The following CHD9 variants were observed in gnomAD, a reference collection of about 807,000 sequenced individuals.
CHD9 encodes ATP-dependent chromatin remodeler CHD9.
CHD9 carries 77 observed loss-of-function variants against 316.1 expected under a neutral mutation model. That is an observed-to-expected ratio of 0.24 (90% CI 0.20 to 0.29). The LOEUF (loss-of-function observed/expected upper bound fraction) is 0.29, where lower values mean the gene tolerates loss of function less well. Ranked by LOEUF, CHD9 falls within the 10% of genes least tolerant of loss-of-function variation. The probability of loss-of-function intolerance (pLI) is 1.00; values close to 1 mark genes in which losing one functional copy is unlikely to be tolerated. For missense variants in CHD9, 2,763 were observed against 3,438.1 expected, an observed-to-expected ratio of 0.80 and a Z score of 4.91; for synonymous variants, 1,129 against 1,158.3, an observed-to-expected ratio of 0.97 and a Z score of 0.51.
intron 12 of CHD9, among the ~76,000 whole-genome samples, chr16:53,240,390 A>G (rs2048991414): frequency 6.6e-6 from 1 of 152,190 alleles, no homozygotes; most frequent in Admixed American, 6.5e-5. Flanking sequence ...CATAAATATG[A>G]TAGCCAAAAA....
intron 7 of CHD9, among the ~76,000 whole-genome samples, chr16:53,228,102 A>T (rs1035395080): frequency 7.9e-5 from 12 of 151,938 alleles, no homozygotes; most frequent in South Asian, 2.1e-4. Flanking sequence ...AAAAAATTAA[A>T]TTTTTTTTAT....
intron 1 of CHD9, among the ~76,000 whole-genome samples, chr16:53,084,015 T>C (rs1250751715): frequency 6.6e-6 from 1 of 152,038 alleles, no homozygotes; most frequent in Non-Finnish European, 1.5e-5. Context: ...CTCTTAAAGT[T>C]CTGGGATTAC....
intron 11 of CHD9, among the ~76,000 whole-genome samples, chr16:53,235,864 TA>T (rs1303191919): frequency 6.6e-6 from 1 of 152,054 alleles, no homozygotes; most frequent in South Asian, 2.1e-4. Context: ...GCAAAAGAAG[TA>T]AAAAAATGTT....
At chr16:53,299,576 C>T in intron 30 of CHD9, 1 of 397,572 alleles carries the variant, frequency 2.5e-6, no homozygotes, top group South Asian at 2.2e-5. Flanking sequence ...AGCTATTAAC[C>T]CTCCAAAAGC....
chr16:53,314,739 C>A, intron 35 of CHD9, 84 bp from the exon 36 acceptor site: 1 of 1,202,066 alleles, frequency 8.3e-7, no homozygotes, highest in Non-Finnish European at 1.2e-6. Flanking sequence ...CTTATTTTTT[C>A]TCTTCAAAAA....
chr16:53,261,793 C>G (rs1004733850), intron 19 of CHD9, among the ~76,000 whole-genome samples: 3 of 152,080 alleles, frequency 2.0e-5, no homozygotes, highest in African/African-American at 7.2e-5. Context: ...GAAGCAAATC[C>G]CAGATATAAT....
rs532979443 is a variant in CHD9, at chr16:53,197,126, A to T, written c.1453-12356A>T. Among the ~76,000 whole-genome samples the T allele has an allele frequency of 4.7e-4, 71 of 152,312 alleles. 2 individuals carry two copies. The South Asian group carries it at 0.013, about 28-fold the overall frequency. On this transcript the variant is annotated intron_variant, in intron 2 of 38. Coordinates refer to ENST00000447540, the MANE Select transcript of CHD9 (RefSeq NM_001308319.2). ...AGGGAGTAGAAGAGAGAAAAGGCTG[A>T]GATATACTGGCAGACTAGTAGAAAG...
intron 31 of CHD9, 120 bp from the exon 32 acceptor site, chr16:53,306,117 A>G: frequency 1.8e-6 from 1 of 543,752 alleles, no homozygotes; most frequent in Non-Finnish European, 2.9e-6. Flanking sequence ...TTTTTTTATC[A>G]TTTGTTTTTA....
At chr16:53,103,177 G>A (rs1322835076) in intron 1 of CHD9, among the ~76,000 whole-genome samples, 1 of 142,708 alleles carries the variant, frequency 7.0e-6, no homozygotes, top group East Asian at 2.1e-4. Flanking sequence ...AAAAAAAAAG[G>A]TAGATTTTAT....
At chr16:53,162,514 C>T (rs930034019) in intron 2 of CHD9, among the ~76,000 whole-genome samples, 1 of 152,064 alleles carries the variant, frequency 6.6e-6, no homozygotes, top group Non-Finnish European at 1.5e-5. Flanking sequence ...ACTGTGTGAT[C>T]TCTCAATGTT....
intron 38 of CHD9, 97 bp downstream of exon 38, chr16:53,321,727 A>T: frequency 1.4e-6 from 1 of 721,788 alleles, no homozygotes; most frequent in Non-Finnish European, 2.0e-6. Flanking sequence ...ATATTCCATG[A>T]ATTTGTGACA....
intron 1 of CHD9, among the ~76,000 whole-genome samples, chr16:53,101,999 G>A (rs1353755857): frequency 1.3e-5 from 2 of 152,202 alleles, no homozygotes; most frequent in Non-Finnish European, 2.9e-5. Context: ...GGTCAGGAAT[G>A]TGTAGAATTG....
chr16:53,196,196 A>T (rs547315056), intron 2 of CHD9, among the ~76,000 whole-genome samples: 1 of 152,166 alleles, frequency 6.6e-6, no homozygotes, highest in Non-Finnish European at 1.5e-5. Context: ...TCTCATCTGC[A>T]TGTGTTTGTG....
intron 2 of CHD9, among the ~76,000 whole-genome samples, chr16:53,203,578 A>G (rs1001501445): frequency 6.6e-6 from 1 of 152,182 alleles, no homozygotes; most frequent in Non-Finnish European, 1.5e-5. Flanking sequence ...CTCCAAGCCT[A>G]AAGCCTAAGA....
chr16:53,247,279 T>G lies in CHD9; in HGVS notation c.3455-14T>G. 1 of 1,564,104 alleles carries G rather than the reference T, an allele frequency of 6.4e-7. No homozygotes were observed. Among genetic ancestry groups the G allele is most frequent in the Non-Finnish European group, 8.7e-7 (1 of 1,146,618 alleles). On this transcript the variant is annotated splice_polypyrimidine_tract_variant and intron_variant, in intron 15 of 38. Transcript: ENST00000447540. Reference sequence around the variant, plus strand: ...TTTGCACATTGCTGTTATCTTCTCCTATTTCTTTGACAGGTGCTGAGGAGA... The same window carrying G: ...TTTGCACATTGCTGTTATCTTCTCCGATTTCTTTGACAGGTGCTGAGGAGA...
At position 53,200,582 on chromosome 16, in the gene CHD9, T is replaced by A. The variant is rs369005464; in HGVS notation, c.1453-8900T>A. On this transcript the variant is annotated intron_variant, in intron 2 of 38. Coordinates refer to ENST00000447540, the MANE Select transcript of CHD9 (RefSeq NM_001308319.2). ...GCTCTTGTTTAGAGTAGAATTCCAA[T>A]TGAAAATGTGGAAGGAATTATGGAA... 6.7e-4 allele frequency among the ~76,000 whole-genome samples: 102 copies of A among 152,148 alleles called. 1 individual carries two copies. The South Asian group carries it at 0.02, about 30-fold the overall frequency.
chr16:53,167,410 T>G (rs1298525996), intron 2 of CHD9, among the ~76,000 whole-genome samples: 2 of 152,156 alleles, frequency 1.3e-5, no homozygotes, highest in African/African-American at 4.8e-5. Flanking sequence ...GCAGAGATGA[T>G]TAAGAGAAAA....
chr16:53,316,356 G>T (rs2056884507), intron 36 of CHD9, among the ~76,000 whole-genome samples: 1 of 152,072 alleles, frequency 6.6e-6, no homozygotes, highest in Non-Finnish European at 1.5e-5. Flanking sequence ...AAGAGATTGA[G>T]GATATAGCAG....
At chr16:53,058,344 C>T (rs2032422820) in intron 1 of CHD9, among the ~76,000 whole-genome samples, 1 of 152,198 alleles carries the variant, frequency 6.6e-6, no homozygotes, top group African/African-American at 2.4e-5. Flanking sequence ...TGGTCTCGAG[C>T]TCCCGACCTC....
Sources: allele counts gnomAD v4.1 joint callset (sites outside exome capture counted in the v4.1 genomes callset), GRCh38; gene constraint gnomAD v4.1.1; transcripts MANE v1.5; gene names NCBI Gene and HGNC (gene_info 2026-07-23, HGNC 2026-07-21).